Variants in CPLANE1 observed in about 807,000 individuals in gnomAD.
CPLANE1 encodes the protein ciliogenesis and planar polarity effector 1.
A neutral mutation model predicts 362.5 loss-of-function variants in CPLANE1; 263 were observed. The observed-to-expected ratio is 0.73, with a 90% CI of 0.66 to 0.80. The LOEUF (loss-of-function observed/expected upper bound fraction) is 0.80, where lower values mean the gene tolerates loss of function less well. CPLANE1 is among the 30% of genes least tolerant of loss of function. CPLANE1 has a pLI of 0.00. For synonymous variants in CPLANE1, 1,212 were observed against 1,302.6 expected, an observed-to-expected ratio of 0.93 and a Z score of 1.50; for missense variants, 3,461 against 3,793.4, an observed-to-expected ratio of 0.91 and a Z score of 2.30.
intron 26 of CPLANE1, among the ~76,000 whole-genome samples, chr5:37,181,536 C>G (rs1186940185): frequency 6.6e-6 from 1 of 152,112 alleles, no homozygotes; most frequent in Non-Finnish European, 1.5e-5. Flanking sequence ...AAAAAAAGGA[C>G]TAGTGTGGTG....
In CPLANE1 at chr5:37,153,730, G is replaced by C. The variant is rs756513546; in HGVS notation, c.8373+10C>G. 1.3e-6 allele frequency: 2 copies of C among 1,590,666 alleles called. No individual in the cohort carries two copies. Among genetic ancestry groups the C allele is most frequent in the Admixed American group, 1.7e-5 (1 of 58,498 alleles). On this transcript the variant is annotated intron_variant, in intron 42 of 52. Transcript: ENST00000651892. ...TAGCAAACAAAAAACTAAAAATAAA[G>C]GTAGTCTACCTTATCACAATGTAGA...
intron 5 of CPLANE1, among the ~76,000 whole-genome samples, chr5:37,243,728 T>TTATATATAATATATAATATGCATATAA (rs1213956804): frequency 2.0e-5 from 3 of 146,982 alleles, no homozygotes; most frequent in African/African-American, 7.4e-5. Context: ...TATACATGTA[T>TTATATATAATATATAATATGCATATAA]TATATATAAT....
At position 37,213,624 on chromosome 5, in the gene CPLANE1, T is replaced by C. The variant is rs554483416; in HGVS notation, c.2855A>G (p.Asn952Ser). ...MARFMAAYFTNQQLCILPPHH... is the reference protein window; with the variant it reads ...MARFMAAYFTSQQLCILPPHH... ...AGGGGGCAAAATGCAAAGCTGCTGA[T>C]TGGTGAAATAGGCAGCCATGAAACG... Residue 952 changes from asparagine (N) to serine (S), a missense_variant, in exon 16 of 53, where the codon AAT becomes AGT. Physicochemically the swap from Asn to Ser is conservative, Grantham distance 46 (BLOSUM62 1). This residue lies in a region of CPLANE1 where 3,380 missense variants were observed against 3,666.1 expected (regional missense o/e 0.92). Coordinates refer to ENST00000651892, the MANE Select transcript of CPLANE1 (RefSeq NM_001384732.1). 177 of 1,548,412 alleles carry C rather than the reference T, an allele frequency of 1.1e-4. No homozygotes were observed. The African/African-American group carries it at 1.7e-3, about 15-fold the overall frequency.
At chr5:37,203,133 A>C (rs557949376) in intron 18 of CPLANE1, among the ~76,000 whole-genome samples, 61 of 152,294 alleles carry the variant, frequency 4.0e-4, no homozygotes, top group African/African-American at 1.4e-3. Flanking sequence ...AATTAAACAA[A>C]TCTATATTGG....
chr5:37,119,424 A>C (rs1761989894), intron 50 of CPLANE1, among the ~76,000 whole-genome samples: 1 of 152,134 alleles, frequency 6.6e-6, no homozygotes, highest in Non-Finnish European at 1.5e-5. Context: ...TAATCCCAGC[A>C]CTTTGGGAGG....
Position 37,206,335 on chromosome 5 carries a change from T to G in CPLANE1, c.3011A>C (p.Tyr1004Ser). Residue 1004 changes from tyrosine (Y) to serine (S), a missense_variant, in exon 17 of 53, where the codon TAT becomes TCT. Physicochemically the swap from Tyr to Ser is moderately radical, Grantham distance 144. This residue lies in a region of CPLANE1 where 3,380 missense variants were observed against 3,666.1 expected (regional missense o/e 0.92). Transcript: ENST00000651892. ...QNLSNVWTVE[Y>S]ALELLFIGGL... ...ACCAATAAATAGTAATTCAAGTGCA[T>G]ATTCAACTGTCCACACATTAGAGAG... 1 of 1,551,564 alleles carries G rather than the reference T, an allele frequency of 6.4e-7. No individual in the cohort carries two copies. The highest frequency in any genetic ancestry group is 8.7e-7 in the Non-Finnish European group (1 of 1,146,812).
intron 37 of CPLANE1, among the ~76,000 whole-genome samples, chr5:37,163,853 G>A (rs1777533824): frequency 6.6e-6 from 1 of 152,184 alleles, no homozygotes; most frequent in Non-Finnish European, 1.5e-5. Flanking sequence ...GGAAAGAGAA[G>A]GGGCTGGAGA....
chr5:37,210,505 A>T (rs983603853), intron 16 of CPLANE1: 10 of 1,334,282 alleles, frequency 7.5e-6, no homozygotes, highest in East Asian at 4.6e-5. Flanking sequence ...AAAGCTGTTC[A>T]TTTGCAAGAG....
At chr5:37,245,880 G>A in intron 2 of CPLANE1, 35 bp from the exon 3 acceptor site, 2 of 1,440,914 alleles carry the variant, frequency 1.4e-6, no homozygotes, top group Non-Finnish European at 1.8e-6. Flanking sequence ...CTCAAGAGGT[G>A]CCAGAAATTA....
rs1263845158 is a variant in CPLANE1, at chr5:37,107,449, C to T, written c.*153G>A. On this transcript the variant is annotated 3_prime_UTR_variant, in exon 53 of 53. Transcript: ENST00000651892. ...AGTTACTGAGAAATGTTTATTTTTC[C>T]TCTGGTAATGGCTAATCCAGGTAAT... is the stretch of plus-strand genomic sequence containing the variant. 1.6e-6 allele frequency: 2 copies of T among 1,282,220 alleles called. No individual in the cohort carries two copies. The highest frequency in any genetic ancestry group is 1.5e-5 in the African/African-American group (1 of 65,186). The allele number at this position is 1,282,220 out of a possible 1,614,324, so 79.4% of individuals were successfully genotyped here.
chr5:37,223,714 C>G (rs542484339), intron 14 of CPLANE1, among the ~76,000 whole-genome samples: 1 of 152,168 alleles, frequency 6.6e-6, no homozygotes, highest in Non-Finnish European at 1.5e-5. Context: ...TGCAATGATA[C>G]GTTTAACTTA....
chr5:37,113,394 G>T (rs1430932984), intron 51 of CPLANE1, among the ~76,000 whole-genome samples: 1 of 152,172 alleles, frequency 6.6e-6, no homozygotes, highest in Non-Finnish European at 1.5e-5. Context: ...TACCATGATT[G>T]TGAGGCCTCC....
At chr5:37,126,470 C>A (rs1489568277) in intron 46 of CPLANE1, among the ~76,000 whole-genome samples, 1 of 152,178 alleles carries the variant, frequency 6.6e-6, no homozygotes, top group Non-Finnish European at 1.5e-5. Flanking sequence ...CTACACAGTG[C>A]ACTGAGACTC....
chr5:37,196,434 G>GAAAT (rs1787465453), intron 20 of CPLANE1, among the ~76,000 whole-genome samples: 1 of 152,032 alleles, frequency 6.6e-6, no homozygotes, highest in African/African-American at 2.4e-5. Flanking sequence ...ACACCATTTG[G>GAAAT]CAGCCCCTAA....
rs563502625 is a variant in CPLANE1, at chr5:37,226,950, T to C, written c.1645A>G (p.Met549Val). The change falls in exon 12 of 53, where the codon ATG becomes GTG. Residue 549 changes from methionine (M) to valine (V), a missense_variant. By Grantham distance (21) the Met-to-Val change is conservative. Coordinates refer to ENST00000651892, the MANE Select transcript of CPLANE1 (RefSeq NM_001384732.1). ...MKEGRLEFAS[M>V]FDTIHAKDDS... ...TCCTTTGCATGTATCGTATCAAACA[T>C]AGATGCAAATTCCAATCTTCCTTCC... 105 of 1,551,870 alleles carry C rather than the reference T, an allele frequency of 6.8e-5. No individual in the cohort carries two copies. The highest frequency in any genetic ancestry group is 8.5e-5 in the Non-Finnish European group (97 of 1,147,016).
chr5:37,142,603 C>T, intron 43 of CPLANE1, 123 bp from the exon 44 acceptor site: 2 of 579,586 alleles, frequency 3.5e-6, no homozygotes, highest in East Asian at 3.1e-5. Context: ...ACATATTATG[C>T]TAATAGCTTT....
At chr5:37,200,260 T>C (rs1429862146) in intron 19 of CPLANE1, among the ~76,000 whole-genome samples, 2 of 152,312 alleles carry the variant, frequency 1.3e-5, no homozygotes, top group Non-Finnish European at 2.9e-5. Flanking sequence ...CGGTGACATT[T>C]AGAAGAAACC....
rs923514393 is a variant in CPLANE1, at chr5:37,226,631, T to G, written c.1964A>C (p.Gln655Pro). 71 of 1,551,386 alleles carry G rather than the reference T, an allele frequency of 4.6e-5. No individual in the cohort carries two copies. The highest frequency in any genetic ancestry group is 5.3e-5 in the Non-Finnish European group (61 of 1,146,894). ...SIHYWDIRYK[Q>P]DVGHLIKLTS... is the part of the protein sequence containing the mutation. ...CAGCTTTATCAAATGCCCCACATCT[T>G]GTTTGTATCTTATATCCCAATAATG... is the stretch of plus-strand genomic sequence containing the variant. Residue 655 changes from glutamine (Q) to proline (P), a missense_variant, in exon 12 of 53, where the codon CAA becomes CCA. Gln to Pro is a moderately conservative substitution (Grantham distance 76). Transcript: ENST00000651892.
chr5:37,089,674 C>T, the CPLANE1 span, among the ~76,000 whole-genome samples: 32 of 152,140 alleles, frequency 2.1e-4, no homozygotes, highest in African/African-American at 6.5e-4. Flanking sequence ...TCCCCCACGG[C>T]GATTCCTCAA....
Sources: gnomAD v4.1 joint callset for allele counts (sites outside exome capture counted in the v4.1 genomes callset) on GRCh38, gnomAD v4.1.1 for gene constraint, gnomAD v4.1.1 regional missense constraint, MANE v1.5 for transcripts, NCBI Gene and HGNC (gene_info 2026-07-23, HGNC 2026-07-21) for gene names.